Variants in ORC4 observed in about 807,000 individuals in gnomAD.
The protein encoded by ORC4 is origin recognition complex, subunit 4 homolog.
In ORC4, 55 loss-of-function variants were observed where a neutral mutation model predicts 63.9. The ratio of observed to expected loss-of-function variants is 0.86; its 90% CI spans 0.69 to 1.08. ORC4 has a LOEUF of 1.08. Ranked by LOEUF, ORC4 falls within the 50% of genes least tolerant of loss-of-function variation. ORC4 has a pLI of 0.00. For synonymous variants in ORC4, 150 were observed against 168.5 expected (o/e 0.89, Z 0.85); for missense variants, 511 against 504.4 (o/e 1.01, Z -0.13).
chr2:147,985,860 A>C (rs1008717912), intron 1 of ORC4, among the ~76,000 whole-genome samples: 1 of 152,158 alleles, frequency 6.6e-6, no homozygotes, highest in Non-Finnish European at 1.5e-5. Flanking sequence ...ACTTAACAGC[A>C]GCAGTAGCTG....
intron 1 of ORC4, among the ~76,000 whole-genome samples, chr2:147,984,300 G>C (rs1175755264): frequency 2.6e-5 from 4 of 151,872 alleles, no homozygotes; most frequent in Admixed American, 2.6e-4. Flanking sequence ...TTTACAATGA[G>C]CCACTTCAAC....
At chr2:147,935,913 A>G (rs1688028423) in intron 13 of ORC4, among the ~76,000 whole-genome samples, 1 of 152,162 alleles carries the variant, frequency 6.6e-6, no homozygotes, top group Non-Finnish European at 1.5e-5. Flanking sequence ...TTACTTGTCC[A>G]TATATTGTTG....
intron 13 of ORC4, among the ~76,000 whole-genome samples, chr2:147,935,941 C>CT (rs1688029619): frequency 1.3e-5 from 2 of 152,146 alleles, no homozygotes; most frequent in Admixed American, 6.6e-5. Context: ...ACACGGCAAA[C>CT]TTTAATTCAA....
At chr2:147,940,979 T>C (rs1306000369) in intron 10 of ORC4, among the ~76,000 whole-genome samples, 1 of 152,170 alleles carries the variant, frequency 6.6e-6, no homozygotes, top group East Asian at 1.9e-4. Context: ...AGTATGTCTA[T>C]ACTATTAGGT....
intron 9 of ORC4, among the ~76,000 whole-genome samples, chr2:147,945,298 T>G (rs1688598601): frequency 6.6e-6 from 1 of 152,074 alleles, no homozygotes; most frequent in Non-Finnish European, 1.5e-5. Flanking sequence ...TATCTCTTTA[T>G]TTTTTAGTGG....
At chr2:147,944,270 G>A (rs1438888070) in intron 9 of ORC4, among the ~76,000 whole-genome samples, 1 of 151,700 alleles carries the variant, frequency 6.6e-6, no homozygotes. Flanking sequence ...AGTGAAATGT[G>A]GTCAAAAAAT....
At position 147,971,475 on chromosome 2, in the gene ORC4, C is replaced by CCT. The variant is rs1690205950; in HGVS notation, c.225+1263_225+1264insAG. On this transcript the variant is annotated intron_variant, in intron 4 of 13. Coordinates refer to ENST00000392857, the MANE Select transcript of ORC4 (RefSeq NM_181741.4). ...AATGGGCATAAGACACCTCACCAAA[C>CCT]ATATATAGATGAAAAAGAAGTGTAT... Among the ~76,000 whole-genome samples, 4 of 151,808 alleles carry CCT rather than the reference C, an allele frequency of 2.6e-5. No homozygotes were observed. The South Asian group carries it at 8.3e-4, about 31-fold the overall frequency.
chr2:148,015,877 G>A (rs1227046560), intron 1 of ORC4, among the ~76,000 whole-genome samples: 3 of 152,134 alleles, frequency 2.0e-5, no homozygotes, highest in Non-Finnish European at 1.5e-5. Flanking sequence ...GGTGGTTCAA[G>A]AAGTTTTGCA....
At chr2:148,015,674 CT>C (rs372478805) in intron 1 of ORC4, among the ~76,000 whole-genome samples, 17,272 of 142,094 alleles carry the variant, frequency 0.12, 1,633 homozygotes, top group African/African-American at 0.27. Flanking sequence ...GCATTTCTTG[CT>C]TTTTTTTTTT....
chr2:148,005,816 A>C (rs970663186), intron 1 of ORC4, among the ~76,000 whole-genome samples: 3 of 152,144 alleles, frequency 2.0e-5, no homozygotes, highest in African/African-American at 7.2e-5. Context: ...TCTTTACAAA[A>C]TATGAAAAAA....
intron 1 of ORC4, among the ~76,000 whole-genome samples, chr2:148,005,905 G>T (rs890348539): frequency 1.3e-5 from 2 of 152,078 alleles, no homozygotes; most frequent in Admixed American, 6.6e-5. Flanking sequence ...CAGCCCAGGA[G>T]GTCAATTGAG....
chr2:147,972,608 T>C, intron 4 of ORC4, 131 bp downstream of exon 4: 1 of 499,924 alleles, frequency 2.0e-6, no homozygotes, highest in South Asian at 4.2e-5. Flanking sequence ...AACAAAAAAG[T>C]AAAACATTAC....
intron 1 of ORC4, among the ~76,000 whole-genome samples, chr2:147,987,791 C>T (rs1691308901): frequency 6.6e-6 from 1 of 152,068 alleles, no homozygotes; most frequent in South Asian, 2.1e-4. Flanking sequence ...CAGTGGCTCC[C>T]ACCTGTAATC....
At chr2:147,977,162 G>C (rs900130523) in intron 1 of ORC4, among the ~76,000 whole-genome samples, 1 of 152,090 alleles carries the variant, frequency 6.6e-6, no homozygotes. Flanking sequence ...AGATAGGCTA[G>C]GTATGTTGAC....
At chr2:147,943,262 A>G (rs1355320986) in intron 10 of ORC4, among the ~76,000 whole-genome samples, 174 bp downstream of exon 10, 1 of 152,114 alleles carries the variant, frequency 6.6e-6, no homozygotes, top group African/African-American at 2.4e-5. Flanking sequence ...AGAAAATGAT[A>G]AAAGTAGGCT....
chr2:147,967,239 GA>G (rs972405414), intron 4 of ORC4, among the ~76,000 whole-genome samples: 16 of 152,052 alleles, frequency 1.1e-4, no homozygotes, highest in African/African-American at 3.6e-4. Context: ...ACCAAATGGG[GA>G]AAAACTAAAA....
At chr2:147,948,810 T>C (rs991353792) in intron 8 of ORC4, among the ~76,000 whole-genome samples, 4 of 151,474 alleles carry the variant, frequency 2.6e-5, no homozygotes, top group African/African-American at 7.3e-5. Flanking sequence ...TGTAAGGACA[T>C]ACGAAGTGTT....
intron 1 of ORC4, among the ~76,000 whole-genome samples, chr2:148,008,047 A>C (rs187854151): frequency 2.0e-5 from 3 of 152,328 alleles, no homozygotes; most frequent in Non-Finnish European, 1.5e-5. Context: ...AATCTAATAC[A>C]TCCACCGAAA....
intron 9 of ORC4, among the ~76,000 whole-genome samples, chr2:147,945,049 G>C (rs1301170297): frequency 6.6e-6 from 1 of 152,008 alleles, no homozygotes; most frequent in Non-Finnish European, 1.5e-5. Flanking sequence ...TTTTAAAATT[G>C]CAATATGGAA....
Sources: allele counts gnomAD v4.1 joint callset (sites outside exome capture counted in the v4.1 genomes callset), GRCh38; gene constraint gnomAD v4.1.1; transcripts MANE v1.5; gene names NCBI Gene and HGNC (gene_info 2026-07-23, HGNC 2026-07-21).